The following FRMD4A variants were observed in gnomAD, a reference collection of about 807,000 sequenced individuals.
The protein encoded by FRMD4A is FERM domain-containing protein 4A.
Under a neutral mutation model 129.1 loss-of-function variants are expected in FRMD4A, and 29 were observed. The ratio of observed to expected loss-of-function variants is 0.22; its 90% CI spans 0.17 to 0.31. The LOEUF (loss-of-function observed/expected upper bound fraction) is 0.31. FRMD4A is among the 10% of genes least tolerant of loss of function. The probability of loss-of-function intolerance (pLI) is 1.00; values close to 1 mark genes in which losing one functional copy is unlikely to be tolerated. For missense variants in FRMD4A, 1,272 were observed against 1,375.8 expected (o/e 0.92, Z 1.19); for synonymous variants, 634 against 571.6 (o/e 1.11, Z -1.56).
intron 2 of FRMD4A, among the ~76,000 whole-genome samples, chr10:14,176,005 G>T (rs986027182): frequency 6.6e-6 from 1 of 152,168 alleles, no homozygotes; most frequent in Non-Finnish European, 1.5e-5. Flanking sequence ...ATTTCTGGGG[G>T]ACTCTGGACC....
Position 14,025,717 on chromosome 10 carries a change from T to C in FRMD4A, c.46-166805A>G, listed in dbSNP as rs151239877. On this transcript the variant is annotated intron_variant, in intron 2 of 24. Coordinates refer to ENST00000357447, the MANE Select transcript of FRMD4A (RefSeq NM_018027.5). ...CCCTCCCACAGCTGCCTGGCCATCA[T>C]CATTCTACTTAGTGTCTCTATCAAT... Among the ~76,000 whole-genome samples, 922 of 152,298 alleles carry C rather than the reference T, an allele frequency of 6.1e-3. 12 individuals are homozygous for C. The highest frequency in any genetic ancestry group is 0.021 in the African/African-American group (890 of 41,568).
At chr10:14,003,530 T>A (rs2095650398) in intron 2 of FRMD4A, 2 of 152,188 alleles carry the variant, frequency 1.3e-5, no homozygotes, top group Admixed American at 1.3e-4. Flanking sequence ...CAACAGGTGA[T>A]CTTACAGCTG....
intron 2 of FRMD4A, among the ~76,000 whole-genome samples, chr10:14,262,986 T>C (rs1158954852): frequency 6.6e-6 from 1 of 152,196 alleles, no homozygotes; most frequent in African/African-American, 2.4e-5. Flanking sequence ...ATTCTGTCTG[T>C]CAGTGCAGGC....
intron 2 of FRMD4A, among the ~76,000 whole-genome samples, chr10:13,889,741 T>G (rs1159463367): frequency 6.6e-6 from 1 of 152,246 alleles, no homozygotes; most frequent in Non-Finnish European, 1.5e-5. Context: ...ACAATTCCCC[T>G]TTAATGAAAG....
intron 24 of FRMD4A, chr10:13,648,379 G>C (rs1426949503): frequency 6.6e-6 from 1 of 152,178 alleles, no homozygotes; most frequent in East Asian, 1.9e-4. Flanking sequence ...ACTTCTAATG[G>C]GAGAGGTGGT....
intron 12 of FRMD4A, among the ~76,000 whole-genome samples, chr10:13,725,054 A>G (rs1311747521): frequency 6.6e-6 from 1 of 152,202 alleles, no homozygotes; most frequent in Non-Finnish European, 1.5e-5. Flanking sequence ...GTTGCTTTTC[A>G]TCCTTTCTTT....
chr10:14,083,653 AG>A (rs1564273954), intron 2 of FRMD4A: 1 of 152,232 alleles, frequency 6.6e-6, no homozygotes, highest in Non-Finnish European at 1.5e-5. Flanking sequence ...CAGTGTCTCT[AG>A]TTGTCCCGGT....
intron 2 of FRMD4A, among the ~76,000 whole-genome samples, chr10:14,279,253 A>G (rs1300534254): frequency 7.2e-6 from 1 of 139,160 alleles, no homozygotes; most frequent in African/African-American, 2.7e-5. Flanking sequence ...GAGTGGCGCC[A>G]TCCTGGCTCA....
intron 2 of FRMD4A, among the ~76,000 whole-genome samples, chr10:14,179,079 T>C (rs1036319615): frequency 1.3e-5 from 2 of 152,190 alleles, no homozygotes; most frequent in African/African-American, 2.4e-5. Flanking sequence ...ACAAAGGCTG[T>C]TGGGTAGGCC....
At chr10:13,862,111 T>A (rs1434055395) in intron 2 of FRMD4A, among the ~76,000 whole-genome samples, 1 of 152,126 alleles carries the variant, frequency 6.6e-6, no homozygotes, top group Non-Finnish European at 1.5e-5. Context: ...AAAAGTTTAA[T>A]CATAGATTTG....
intron 4 of FRMD4A, among the ~76,000 whole-genome samples, chr10:13,806,658 G>A (rs1273230719): frequency 6.6e-6 from 1 of 152,178 alleles, no homozygotes; most frequent in East Asian, 1.9e-4. Flanking sequence ...TTGCCTGCAA[G>A]CTAGAATCAG....
chr10:14,273,107 T>C (rs986844810), intron 2 of FRMD4A, among the ~76,000 whole-genome samples: 32 of 148,502 alleles, frequency 2.2e-4, no homozygotes, highest in Non-Finnish European at 8.9e-5. Flanking sequence ...CACACACACA[T>C]ACAAATAGGC....
chr10:14,259,730 A>G lies in FRMD4A; in HGVS notation c.45+70328T>C, dbSNP rs117914234. Among the ~76,000 whole-genome samples, 4 of 152,316 alleles carry G rather than the reference A, an allele frequency of 2.6e-5. No homozygotes were observed. In the East Asian group the frequency reaches 7.7e-4, roughly 29 times the overall value. Reference sequence around the variant, plus strand: ...TTTACATGCACAAAGAGTTGGTTGCACCTTCCAGGTCTCCTTCTCTATTGA... The same window carrying G: ...TTTACATGCACAAAGAGTTGGTTGCGCCTTCCAGGTCTCCTTCTCTATTGA... On this transcript the variant is annotated intron_variant, in intron 2 of 24. Coordinates refer to ENST00000357447, the MANE Select transcript of FRMD4A (RefSeq NM_018027.5).
In FRMD4A at chr10:13,959,132, C is replaced by A. The variant is rs532138428; in HGVS notation, c.46-100220G>T. 7.9e-5 allele frequency among the ~76,000 whole-genome samples: 12 copies of A among 152,180 alleles called. No homozygotes were observed. The South Asian group carries it at 2.5e-3, about 32-fold the overall frequency. On this transcript the variant is annotated intron_variant, in intron 2 of 24. Transcript: ENST00000357447. ...GAGAATCCCTTCTCAGTAAAAGTCCCCTCTCCCTGCAACAATGATCATCAG... is the reference window on the plus strand; with the variant it reads ...GAGAATCCCTTCTCAGTAAAAGTCCACTCTCCCTGCAACAATGATCATCAG...
intron 12 of FRMD4A, among the ~76,000 whole-genome samples, chr10:13,715,293 T>C (rs905971333): frequency 6.6e-6 from 1 of 152,100 alleles, no homozygotes; most frequent in African/African-American, 2.4e-5. Context: ...CTACATTCTG[T>C]GCATGGGTTG....
At chr10:13,723,152 G>A (rs1379866671) in intron 12 of FRMD4A, among the ~76,000 whole-genome samples, 2 of 152,058 alleles carry the variant, frequency 1.3e-5, no homozygotes, top group African/African-American at 4.8e-5. Flanking sequence ...TGGTTAGCTA[G>A]GTCACCATGC....
Position 13,722,493 on chromosome 10 carries a change from G to A in FRMD4A, c.759+15351C>T, listed in dbSNP as rs150418604. Among the ~76,000 whole-genome samples, 1,470 of 149,978 alleles carry A rather than the reference G, an allele frequency of 9.8e-3. 18 individuals carry two copies. The highest frequency in any genetic ancestry group is 0.015 in the Non-Finnish European group (1,003 of 67,602). ...ACTCCTGGCCTCAAGCAATCCTCCCGCCTCAATCTCCCAAACTGTTGAGAT... is the reference window on the plus strand; with the variant it reads ...ACTCCTGGCCTCAAGCAATCCTCCCACCTCAATCTCCCAAACTGTTGAGAT... On this transcript the variant is annotated intron_variant, in intron 12 of 24. Transcript: ENST00000357447.
At chr10:13,784,871 G>T (rs1197653732) in intron 5 of FRMD4A, among the ~76,000 whole-genome samples, 1 of 151,556 alleles carries the variant, frequency 6.6e-6, no homozygotes, top group Non-Finnish European at 1.5e-5. Context: ...GGTGCCTGTA[G>T]TCCCAGCTAC....
At chr10:13,770,736 T>C (rs2092433203) in intron 6 of FRMD4A, among the ~76,000 whole-genome samples, 1 of 152,126 alleles carries the variant, frequency 6.6e-6, no homozygotes, top group Non-Finnish European at 1.5e-5. Context: ...GAGCTACTGA[T>C]TCCTGGCCTG....
Sources: allele counts gnomAD v4.1 joint callset (sites outside exome capture counted in the v4.1 genomes callset), GRCh38; gene constraint gnomAD v4.1.1; transcripts MANE v1.5; gene names NCBI Gene and HGNC (gene_info 2026-07-23, HGNC 2026-07-21).